ATP2C2: variants seen among roughly 807,000 people sequenced by gnomAD.
ATP2C2 encodes the protein calcium-transporting ATPase type 2C member 2.
A neutral mutation model predicts 110.8 loss-of-function variants in ATP2C2; 171 were observed. That is an observed-to-expected ratio of 1.54 (90% CI 1.36 to 1.75). The LOEUF is 1.75. Ranked by LOEUF, ATP2C2 falls within the 40% of genes most tolerant of loss-of-function variation. ATP2C2 has a pLI of 0.00. For synonymous variants in ATP2C2, 804 were observed against 508.4 expected, an observed-to-expected ratio of 1.58 and a Z score of -7.82; for missense variants, 1,963 against 1,235.0, an observed-to-expected ratio of 1.59 and a Z score of -8.84.
intron 6 of ATP2C2, among the ~76,000 whole-genome samples, chr16:84,411,689 G>C (rs78402416): frequency 0.047 from 7,079 of 152,236 alleles, 541 homozygotes; most frequent in African/African-American, 0.16. Context: ...TGATCTGCCT[G>C]CCTCAGCCTC....
At position 84,442,615 on chromosome 16, in the gene ATP2C2, G is replaced by T. The variant is rs755851949; in HGVS notation, c.1401+16G>T. On this transcript the variant is annotated intron_variant, in intron 15 of 26. Transcript: ENST00000262429. ...GGCGATGAAGGTAGGAGGTCCTGGG[G>T]TGGCTCTGCGGGGAATTCTTTCGCT... 1.2e-6 allele frequency: 2 copies of T among 1,612,404 alleles called. No individual in the cohort carries two copies. Among genetic ancestry groups the T allele is most frequent in the Non-Finnish European group, 1.7e-6 (2 of 1,178,596 alleles).
chr16:84,431,775 TACGCC>T (rs1908303503), intron 11 of ATP2C2, among the ~76,000 whole-genome samples: 2 of 152,082 alleles, frequency 1.3e-5, no homozygotes, highest in African/African-American at 4.8e-5. Flanking sequence ...CCTTTCCCAA[TACGCC>T]ACGCCAGGCT....
intron 20 of ATP2C2, among the ~76,000 whole-genome samples, chr16:84,454,152 C>T (rs779601241): frequency 1.1e-4 from 17 of 149,686 alleles, no homozygotes; most frequent in East Asian, 3.9e-4. Flanking sequence ...TCCGTGCCTC[C>T]GTTTCCTCAT....
At chr16:84,423,777 G>A (rs1318134831) in intron 10 of ATP2C2, among the ~76,000 whole-genome samples, 1 of 152,186 alleles carries the variant, frequency 6.6e-6, no homozygotes, top group Non-Finnish European at 1.5e-5. Context: ...CTACATAACT[G>A]CAAAGGAGAC....
At chr16:84,463,465 T>G (rs1211415184) in intron 26 of ATP2C2, 149 bp from the exon 27 acceptor site, 2 of 671,034 alleles carry the variant, frequency 3.0e-6, no homozygotes, top group Non-Finnish European at 5.2e-6. Flanking sequence ...GATTCTGGGT[T>G]AGGAAGATCT....
chr16:84,448,539 G>A lies in ATP2C2; in HGVS notation c.1510G>A (p.Glu504Lys). 1 of 1,611,040 alleles carries A rather than the reference G, an allele frequency of 6.2e-7. No homozygotes were observed. Among genetic ancestry groups the A allele is most frequent in the African/African-American group, 1.3e-5 (1 of 74,964 alleles). The change falls in exon 17 of 27, where the codon GAA becomes AAA. Residue 504 changes from glutamate (E) to lysine (K), a missense_variant. Coordinates refer to ENST00000262429, the MANE Select transcript of ATP2C2 (RefSeq NM_014861.4). ...VKCSLKTEDQ[E>K]DIYFMKGALE... The stretch of plus-strand genomic sequence containing the variant: ...TCCCTTTGTCTTTTCTAAGGATCAG[G>A]AAGACATTTACTTCATGAAAGGGGC...
At chr16:84,384,164 A>T (rs1370934808) in intron 1 of ATP2C2, among the ~76,000 whole-genome samples, 1 of 152,228 alleles carries the variant, frequency 6.6e-6, no homozygotes, top group African/African-American at 2.4e-5. Flanking sequence ...ACACAACATG[A>T]CCATCCAGTC....
At chr16:84,436,289 G>A (rs973945012) in intron 11 of ATP2C2, among the ~76,000 whole-genome samples, 1 of 152,254 alleles carries the variant, frequency 6.6e-6, no homozygotes. Context: ...AGGCCCGGCA[G>A]CACTGTGCAT....
rs1555553736 is a variant in ATP2C2 at position 84,397,670 on chromosome 16, A to AAAAAAAAAAAC, written c.100-826_100-825insAAAAAAACAAA. 4.1e-5 allele frequency among the ~76,000 whole-genome samples: 6 copies of AAAAAAAAAAAC among 145,790 alleles called. 1 individual carries two copies. Among genetic ancestry groups the AAAAAAAAAAAC allele is most frequent in the Non-Finnish European group, 9.2e-5 (6 of 65,172 alleles). On this transcript the variant is annotated intron_variant, in intron 1 of 26. Coordinates refer to ENST00000262429, the MANE Select transcript of ATP2C2 (RefSeq NM_014861.4). ...GCCTGGGTGACAAAAAAAAAAAAAA[A>AAAAAAAAAAAC]AAACTTGCTTAAAAATAGATGCATC...
At chr16:84,444,431 C>T (rs1465528409) in intron 15 of ATP2C2, among the ~76,000 whole-genome samples, 3 of 152,144 alleles carry the variant, frequency 2.0e-5, no homozygotes, top group African/African-American at 4.8e-5. Context: ...CGAGATCGTA[C>T]CATTGCACTC....
chr16:84,401,523 G>C (rs932958912), intron 2 of ATP2C2, among the ~76,000 whole-genome samples: 3 of 151,956 alleles, frequency 2.0e-5, no homozygotes, highest in Admixed American at 6.6e-5. Context: ...TGAGAGATGG[G>C]GTGAAATTTC....
chr16:84,408,406 T>G lies in ATP2C2; in HGVS notation c.329T>G (p.Phe110Cys). The change falls in exon 4 of 27, where the codon TTT becomes TGT. Residue 110 changes from phenylalanine (F) to cysteine (C), a missense_variant and splice_region_variant. By Grantham distance (205) the Phe-to-Cys change is radical (BLOSUM62 -2). Transcript: ENST00000262429. The part of the protein sequence containing the change: ...EPVWKKYLDQ[F>C]KNPLILLLLG... ...CCCACCCTGTTATTTCCTCTTCAGT[T>G]TAAGAACCCCCTGATCCTGCTGCTG... is the stretch of plus-strand genomic sequence containing the variant. 6.2e-7 allele frequency: 1 copy of G among 1,613,738 alleles called. No individual in the cohort carries two copies. Among genetic ancestry groups the G allele is most frequent in the Non-Finnish European group, 8.5e-7 (1 of 1,179,850 alleles).
chr16:84,377,053 G>A (rs1168271403), intron 1 of ATP2C2, among the ~76,000 whole-genome samples: 1 of 152,202 alleles, frequency 6.6e-6, no homozygotes, highest in Non-Finnish European at 1.5e-5. Flanking sequence ...TCACATGATG[G>A]TGATAAGAAC....
intron 1 of ATP2C2, among the ~76,000 whole-genome samples, chr16:84,388,984 A>G (rs1402901428): frequency 3.3e-5 from 5 of 151,982 alleles, no homozygotes; most frequent in African/African-American, 1.2e-4. Context: ...GTTACCCAGG[A>G]TGGTCTCAAT....
rs189105941 is a variant in ATP2C2 at position 84,429,266 on chromosome 16, C to G, written c.986+3465C>G. On this transcript the variant is annotated intron_variant, in intron 11 of 26. Transcript: ENST00000262429. ...TCCCAGGTTCATGCAATTCTCCTGC[C>G]TCAGCCTCCCAAGTAGCTGGGATTA... 3.6e-3 allele frequency among the ~76,000 whole-genome samples: 552 copies of G among 152,296 alleles called. 3 individuals are homozygous for G. The highest frequency in any genetic ancestry group is 0.012 in the African/African-American group (518 of 41,546).
intron 6 of ATP2C2, 112 bp downstream of exon 6, chr16:84,410,877 C>G (rs944929410): frequency 9.3e-7 from 1 of 1,070,826 alleles, no homozygotes. Context: ...GACAAGAGAA[C>G]CACATCTCAC....
chr16:84,374,308 T>G (rs1273720861), intron 1 of ATP2C2, among the ~76,000 whole-genome samples: 2 of 152,224 alleles, frequency 1.3e-5, no homozygotes, highest in Non-Finnish European at 2.9e-5. Context: ...ATTGAAGCTT[T>G]CAGTGTGTGT....
chr16:84,391,606 G>A (rs1182003509), intron 1 of ATP2C2, among the ~76,000 whole-genome samples: 3 of 152,194 alleles, frequency 2.0e-5, no homozygotes, highest in East Asian at 1.9e-4. Flanking sequence ...GCTGTGATAC[G>A]TACACATGCC....
At chr16:84,388,841 G>A (rs1904477155) in intron 1 of ATP2C2, among the ~76,000 whole-genome samples, 1 of 152,124 alleles carries the variant, frequency 6.6e-6, no homozygotes, top group Non-Finnish European at 1.5e-5. Context: ...GTGCAATCTT[G>A]GCTCACTGCT....
Sources: gnomAD v4.1 joint callset for allele counts (sites outside exome capture counted in the v4.1 genomes callset) on GRCh38, gnomAD v4.1.1 for gene constraint, MANE v1.5 for transcripts, NCBI Gene and HGNC (gene_info 2026-07-23, HGNC 2026-07-21) for gene names.